GNPAT: variants seen among roughly 807,000 people sequenced by gnomAD.
GNPAT encodes dihydroxyacetone phosphate acyltransferase.
Under a neutral mutation model 78.4 loss-of-function variants are expected in GNPAT, and 30 were observed. That is an observed-to-expected ratio of 0.38 (90% confidence interval 0.29 to 0.52). The LOEUF is 0.52. Among genes scored for constraint, GNPAT ranks in the 20% least tolerant of loss-of-function variants. The pLI, the probability that GNPAT is intolerant of heterozygous loss-of-function variation, is 0.84. For missense variants in GNPAT, 714 were observed against 812.2 expected, an observed-to-expected ratio of 0.88 and a Z score of 1.47; for synonymous variants, 271 against 281.1, an observed-to-expected ratio of 0.96 and a Z score of 0.36.
At chr1:231,248,749 C>T (rs1011303576) in intron 1 of GNPAT, among the ~76,000 whole-genome samples, 9 of 152,192 alleles carry the variant, frequency 5.9e-5, no homozygotes, top group East Asian at 1.9e-4. Flanking sequence ...ATTATAATAT[C>T]GTATTTTTGC....
chr1:231,255,913 T>C (rs950682125), intron 2 of GNPAT, among the ~76,000 whole-genome samples: 34 of 152,180 alleles, frequency 2.2e-4, no homozygotes, highest in African/African-American at 8.0e-4. Flanking sequence ...CTCTTGCTCT[T>C]TCTCCTTTCT....
intron 2 of GNPAT, among the ~76,000 whole-genome samples, chr1:231,252,912 C>T (rs1433318327): frequency 2.6e-5 from 4 of 152,030 alleles, no homozygotes; most frequent in African/African-American, 9.7e-5. Flanking sequence ...GAACTGACTC[C>T]GTTCATGTTT....
intron 1 of GNPAT, 79 bp downstream of exon 1, chr1:231,241,535 C>CCCA: frequency 9.3e-7 from 1 of 1,075,952 alleles, no homozygotes; most frequent in African/African-American, 1.5e-5. Context: ...ATTCCTCCGG[C>CCCA]CCACCACCCT....
At chr1:231,242,530 G>A (rs1684642078) in intron 1 of GNPAT, among the ~76,000 whole-genome samples, 1 of 152,132 alleles carries the variant, frequency 6.6e-6, no homozygotes, top group South Asian at 2.1e-4. Context: ...CTGCCTATAA[G>A]CCTTATTATT....
At chr1:231,269,398 G>A (rs924655542) in intron 9 of GNPAT, among the ~76,000 whole-genome samples, 5 of 152,192 alleles carry the variant, frequency 3.3e-5, no homozygotes, top group African/African-American at 9.6e-5. Context: ...GGACCTCCCC[G>A]CCTCCTCCCC....
chr1:231,265,692 TG>T lies in GNPAT; in HGVS notation c.697-19del. 1 of 1,474,628 alleles carries T rather than the reference TG, an allele frequency of 6.8e-7. No homozygotes were observed. Among genetic ancestry groups the T allele is most frequent in the African/African-American group, 1.4e-5 (1 of 72,404 alleles). 91.3% of individuals were successfully genotyped at this position (1,474,628 alleles called of 1,614,324 possible). A position where few individuals can be genotyped will look rare whatever the true frequency, so the allele number is the denominator to read the frequency against. On this transcript the variant is annotated intron_variant, in intron 5 of 15. Coordinates refer to ENST00000366647, the MANE Select transcript of GNPAT (RefSeq NM_014236.4). ...AGAGTAGGCAATGGGTTTTGTGTTT[TG>T]TTTGTTTTCTCTTTAAAGAATGGTT...
chr1:231,276,171 C>A lies in GNPAT; in HGVS notation c.1974C>A (p.Ala658=). The A allele has an allele frequency of 7.0e-7, 1 of 1,428,510 alleles. No individual in the cohort carries two copies. Among genetic ancestry groups the A allele is most frequent in the Non-Finnish European group, 9.9e-7 (1 of 1,012,302 alleles). 88.5% of individuals were successfully genotyped at this position (1,428,510 alleles called of 1,614,324 possible). The part of the protein sequence containing the change: ...NNCIFNVNEP[A]TTKLEEMLGC... ...GTATATTTAATGTGAATGAACCTGC[C>A]ACAACCAAATTAGAAGAAATGCTTG... Residue 658 remains alanine (A), a synonymous_variant, in exon 15 of 16, where the codon GCC becomes GCA. Coordinates refer to ENST00000366647, the MANE Select transcript of GNPAT (RefSeq NM_014236.4).
intron 4 of GNPAT, 28 bp downstream of exon 4, chr1:231,262,880 C>T (rs1685264120): frequency 1.9e-6 from 3 of 1,591,982 alleles, no homozygotes; most frequent in Non-Finnish European, 2.6e-6. Context: ...GTTTTTTTAA[C>T]TGTAAAAATT....
chr1:231,244,983 C>T (rs1313428491), intron 1 of GNPAT, among the ~76,000 whole-genome samples: 1 of 152,206 alleles, frequency 6.6e-6, no homozygotes, highest in Non-Finnish European at 1.5e-5. Context: ...GTTCACTGGG[C>T]TTTAGCCACC....
At chr1:231,246,958 A>G (rs1684766181) in intron 1 of GNPAT, among the ~76,000 whole-genome samples, 1 of 152,220 alleles carries the variant, frequency 6.6e-6, no homozygotes. Flanking sequence ...TCACGAGGTC[A>G]GGAGATCCAG....
rs539773462 is a variant in GNPAT, at chr1:231,247,960, G to A, written c.79-3001G>A. On this transcript the variant is annotated intron_variant, in intron 1 of 15. Transcript: ENST00000366647. ...AACCACGGAAGGATTGTAGATGATC[G>A]TATTTGGCAAGCTTTTTCAAAGTAT... 1.8e-4 allele frequency among the ~76,000 whole-genome samples: 27 copies of A among 152,268 alleles called. No individual in the cohort carries two copies. The East Asian group carries it at 4.2e-3, about 24-fold the overall frequency.
chr1:231,272,105 A>G (rs758246988), intron 10 of GNPAT, among the ~76,000 whole-genome samples: 1 of 152,184 alleles, frequency 6.6e-6, no homozygotes, highest in Non-Finnish European at 1.5e-5. Flanking sequence ...ATCTCAAAAA[A>G]CAAAAAACAA....
chr1:231,265,715 G>A lies in GNPAT; in HGVS notation c.700G>A (p.Gly234Ser), dbSNP rs145974748. ...TTTGTTTGTTTTCTCTTTAAAGAAT[G>A]GTTATGCTCCTGTTGAATTTTTCCT... The part of the protein sequence containing the change: ...SEYVKTMLRN[G>S]YAPVEFFLEG... Residue 234 changes from glycine (G) to serine (S), a missense_variant, in exon 6 of 16, where the codon GGT becomes AGT. Physicochemically the swap from Gly to Ser is moderately conservative, Grantham distance 56 (BLOSUM62 0). Coordinates refer to ENST00000366647, the MANE Select transcript of GNPAT (RefSeq NM_014236.4). 11 of 1,577,390 alleles carry A rather than the reference G, an allele frequency of 7.0e-6. No homozygotes were observed. The highest frequency in any genetic ancestry group is 8.7e-6 in the Non-Finnish European group (10 of 1,146,480).
chr1:231,247,932 C>G (rs1251560836), intron 1 of GNPAT, among the ~76,000 whole-genome samples: 2 of 152,192 alleles, frequency 1.3e-5, no homozygotes, highest in Non-Finnish European at 2.9e-5. Context: ...TTGCAAGTAA[C>G]AGAACCACGG....
At position 231,262,827 on chromosome 1, in the gene GNPAT, T is replaced by G; in HGVS notation, c.543T>G (p.Pro181=). 1 of 1,612,290 alleles carries G rather than the reference T, an allele frequency of 6.2e-7. No individual in the cohort carries two copies. Residue 181 remains proline, a synonymous_variant, in exon 4 of 16, where the codon CCT becomes CCG. Coordinates refer to ENST00000366647, the MANE Select transcript of GNPAT (RefSeq NM_014236.4). The part of the protein sequence containing the change: ...LSFLLYNYDL[P]VPVIAAGMDF... ...TTCTTCTATACAATTATGATTTGCC[T>G]GTGCCAGTTATAGCAGCAGGAATGG...
Position 231,276,144 on chromosome 1 carries a change from CTG to C in GNPAT, c.1949_1950del (p.Cys650TyrfsTer3). 2 of 1,259,904 alleles carry C rather than the reference CTG, an allele frequency of 1.6e-6. No homozygotes were observed. The highest frequency in any genetic ancestry group is 2.3e-6 in the Non-Finnish European group (2 of 860,320). The allele number at this position is 1,259,904 out of a possible 1,614,324, so 78.0% of individuals were successfully genotyped here. ...VVEKKKINNNCIFNVNEPATT... is the reference protein window; with the variant it reads ...VVEKKKINNNXIFNVNEPATT... ...TATTATTTTCTCCTAGAAATAATAACTGTATATTTAATGTGAATGAACCTGCC... is the reference window on the plus strand; with the variant it reads ...TATTATTTTCTCCTAGAAATAATAACTATATTTAATGTGAATGAACCTGCC... On this transcript the variant is annotated frameshift_variant, in exon 15 of 16. Coordinates refer to ENST00000366647, the MANE Select transcript of GNPAT (RefSeq NM_014236.4). LOFTEE classifies it high-confidence loss of function.
chr1:231,241,411 C>A lies in GNPAT; in HGVS notation c.33C>A (p.Phe11Leu). The change falls in exon 1 of 16, where the codon TTC becomes TTA. Residue 11 changes from phenylalanine to leucine, a missense_variant. By Grantham distance (22) the Phe-to-Leu change is conservative. Transcript: ENST00000366647. ...CTTCCAGTTCATCTAACTCTTATTT[C>A]TCCGTTGGCCCAACCAGTCCCAGCG... is the stretch of plus-strand genomic sequence containing the variant. MESSSSSNSYFSVGPTSPSAV... is the reference protein window; with the variant it reads MESSSSSNSYLSVGPTSPSAV... The A allele has an allele frequency of 6.2e-7, 1 of 1,613,944 alleles. No homozygotes were observed.
At position 231,241,258 on chromosome 1, in the gene GNPAT, C is replaced by T. The variant is rs573141457; in HGVS notation, c.-121C>T. ...CGCCCGGGATCCTGTGTAGCGGCTGCAGAGGGTGCCGCCGCCCTAGGCGAA... is the reference window on the plus strand; with the variant it reads ...CGCCCGGGATCCTGTGTAGCGGCTGTAGAGGGTGCCGCCGCCCTAGGCGAA... On this transcript the variant is annotated 5_prime_UTR_variant, in exon 1 of 16. Coordinates refer to ENST00000366647, the MANE Select transcript of GNPAT (RefSeq NM_014236.4). The T allele has an allele frequency of 3.6e-4, 514 of 1,432,398 alleles. 2 individuals carry two copies. In the African/African-American group the frequency reaches 6.2e-3, roughly 17 times the overall value. The allele number at this position is 1,432,398 out of a possible 1,614,324, so 88.7% of individuals were successfully genotyped here. A position where few individuals can be genotyped will look rare whatever the true frequency, so the allele number is the denominator to read the frequency against.
rs202018338 is a variant in GNPAT at position 231,260,556 on chromosome 1, G to C, written c.311G>C (p.Ser104Thr). The C allele has an allele frequency of 2.2e-5, 35 of 1,611,710 alleles. No homozygotes were observed. In the East Asian group the frequency reaches 5.6e-4, roughly 26 times the overall value. The part of the protein sequence containing the change: ...QSVDVLREEV[S>T]EILDEMSHKL... ...GTGGATGTCCTCCGAGAGGAAGTGAGTGAGATCTTAGATGAAATGAGTCAC... is the reference window on the plus strand; with the variant it reads ...GTGGATGTCCTCCGAGAGGAAGTGACTGAGATCTTAGATGAAATGAGTCAC... Residue 104 changes from serine (S) to threonine (T), a missense_variant, in exon 3 of 16, where the codon AGT becomes ACT. Coordinates refer to ENST00000366647, the MANE Select transcript of GNPAT (RefSeq NM_014236.4).
Sources: allele counts gnomAD v4.1 joint callset (sites outside exome capture counted in the v4.1 genomes callset), GRCh38; gene constraint gnomAD v4.1.1; transcripts MANE v1.5; gene names NCBI Gene and HGNC (gene_info 2026-07-23, HGNC 2026-07-21).